The following TLN2 variants were observed in gnomAD, a reference collection of about 807,000 sequenced individuals.
TLN2 encodes the protein talin-2.
Under a neutral mutation model 294.7 loss-of-function variants are expected in TLN2, and 118 were observed. The ratio of observed to expected loss-of-function variants is 0.40; its 90% confidence interval spans 0.34 to 0.47. The LOEUF (loss-of-function observed/expected upper bound fraction) is 0.47. TLN2 is among the 20% of genes least tolerant of loss of function. TLN2 has a pLI of 0.84. For missense variants in TLN2, 3,083 were observed against 3,282.2 expected (o/e 0.94, Z 1.48); for synonymous variants, 1,431 against 1,304.5 (o/e 1.10, Z -2.09).
At chr15:62,790,238 A>G (rs2064982009) in intron 45 of TLN2, among the ~76,000 whole-genome samples, 1 of 152,230 alleles carries the variant, frequency 6.6e-6, no homozygotes, top group South Asian at 2.1e-4. Context: ...TTATTGGGTC[A>G]AAGATACACA....
chr15:62,669,796 C>A (rs956756234), intron 9 of TLN2, among the ~76,000 whole-genome samples: 1 of 152,174 alleles, frequency 6.6e-6, no homozygotes, highest in African/African-American at 2.4e-5. Flanking sequence ...TGACACCCTG[C>A]CTGCTCCGTG....
intron 1 of TLN2, among the ~76,000 whole-genome samples, chr15:62,540,340 AAAAT>A (rs2041606755): frequency 7.0e-6 from 1 of 143,404 alleles, no homozygotes; most frequent in South Asian, 2.3e-4. Flanking sequence ...ACGCCATCTT[AAAAT>A]AAATAAATAA....
intron 45 of TLN2, among the ~76,000 whole-genome samples, chr15:62,788,176 TG>T (rs1422952245): frequency 6.6e-6 from 1 of 151,002 alleles, no homozygotes; most frequent in Non-Finnish European, 1.5e-5. Context: ...CCGGGCATGG[TG>T]GGGGGTGCCT....
intron 1 of TLN2, among the ~76,000 whole-genome samples, chr15:62,462,018 C>T (rs908298940): frequency 6.6e-5 from 10 of 152,030 alleles, no homozygotes; most frequent in South Asian, 2.1e-4. Flanking sequence ...AGGTGGATCA[C>T]GAGACCAGCC....
intron 2 of TLN2, among the ~76,000 whole-genome samples, chr15:62,602,882 A>T (rs75381891): frequency 0.12 from 17,079 of 141,062 alleles, 1,276 homozygotes; most frequent in African/African-American, 0.21. Flanking sequence ...TTTTTTTTTT[A>T]AATTTTTATT....
At chr15:62,583,731 G>T (rs1370425781) in intron 1 of TLN2, among the ~76,000 whole-genome samples, 1 of 152,152 alleles carries the variant, frequency 6.6e-6, no homozygotes, top group Non-Finnish European at 1.5e-5. Context: ...TAGTCAAATT[G>T]TTCAAGGGCT....
intron 41 of TLN2, among the ~76,000 whole-genome samples, chr15:62,767,200 T>C (rs964815011): frequency 2.6e-5 from 4 of 152,210 alleles, no homozygotes; most frequent in Admixed American, 1.3e-4. Context: ...CTTTTTTAAA[T>C]TACAGAATAG....
At chr15:62,636,747 T>C (rs538793699) in intron 3 of TLN2, among the ~76,000 whole-genome samples, 3 of 152,302 alleles carry the variant, frequency 2.0e-5, no homozygotes, top group African/African-American at 7.2e-5. Context: ...CATGGTAATA[T>C]AGGTTTGCAT....
At chr15:62,742,274 G>C (rs1436838178) in intron 32 of TLN2, among the ~76,000 whole-genome samples, 1 of 152,208 alleles carries the variant, frequency 6.6e-6, no homozygotes, top group African/African-American at 2.4e-5. Context: ...GGGAGGTGGG[G>C]TTGGGGGTGA....
Position 62,650,105 on chromosome 15 carries a change from T to G in TLN2, c.158T>G (p.Leu53Arg), listed in dbSNP as rs1345212663. Residue 53 changes from leucine to arginine, a missense_variant, in exon 5 of 59, where the codon CTT becomes CGT. Physicochemically the swap from Leu to Arg is moderately radical, Grantham distance 102 (BLOSUM62 -2). Transcript: ENST00000636159. ...TCAGCTTCTGACTATGGACTCTTTCTTTCGGATGAAGACCCGAGGAAAGGG... is the reference window on the plus strand; with the variant it reads ...TCAGCTTCTGACTATGGACTCTTTCGTTCGGATGAAGACCCGAGGAAAGGG... ...TGQASDYGLF[L>R]SDEDPRKGIW... 4 of 1,614,154 alleles carry G rather than the reference T, an allele frequency of 2.5e-6. No homozygotes were observed. Among genetic ancestry groups the G allele is most frequent in the Non-Finnish European group, 2.5e-6 (3 of 1,180,014 alleles).
rs779090320 is a variant in TLN2 at position 62,783,782 on chromosome 15, G to A, written c.5628G>A (p.Ser1876=). 11 of 1,601,128 alleles carry A rather than the reference G, an allele frequency of 6.9e-6. No individual in the cohort carries two copies. The highest frequency in any genetic ancestry group is 8.5e-6 in the Non-Finnish European group (10 of 1,169,606). Residue 1876 remains serine (S), a synonymous_variant, in exon 45 of 59, where the codon TCG becomes TCA. Transcript: ENST00000636159. ...AVTAQEMMTK[S]VTNPEELGGL... is the part of the protein sequence containing the mutation. ...TTTTCTTTTTCCAGATGACTAAGTC[G>A]GTTACTAACCCGGAGGAGTTGGGAG... is the stretch of plus-strand genomic sequence containing the variant.
At chr15:62,814,313 T>G (rs1157459484) in intron 52 of TLN2, among the ~76,000 whole-genome samples, 1 of 152,236 alleles carries the variant, frequency 6.6e-6, no homozygotes, top group African/African-American at 2.4e-5. Context: ...CATTAAGTCA[T>G]TGTTTATTTT....
intron 1 of TLN2, among the ~76,000 whole-genome samples, chr15:62,418,768 G>A (rs968240167): frequency 2.0e-5 from 3 of 152,172 alleles, no homozygotes; most frequent in African/African-American, 4.8e-5. Flanking sequence ...CAAGGGTGGG[G>A]AGAATGATAA....
At chr15:62,602,796 A>G (rs2047107195) in intron 2 of TLN2, among the ~76,000 whole-genome samples, 1 of 151,502 alleles carries the variant, frequency 6.6e-6, no homozygotes, top group South Asian at 2.1e-4. Flanking sequence ...TCCAAATATC[A>G]CAGTATTGGG....
At chr15:62,803,617 A>G (rs1433584989) in intron 50 of TLN2, among the ~76,000 whole-genome samples, 1 of 152,170 alleles carries the variant, frequency 6.6e-6, no homozygotes, top group African/African-American at 2.4e-5. Context: ...CAGTATATTA[A>G]TTGCCATTTT....
At position 62,703,627 on chromosome 15, in the gene TLN2, GCA is replaced by G. The variant is rs71131124; in HGVS notation, c.2004+786_2004+787del. On this transcript the variant is annotated intron_variant, in intron 19 of 58. Coordinates refer to ENST00000636159, the MANE Select transcript of TLN2 (RefSeq NM_015059.3). ...GACACACACACACACACACACGCGCGCACACACACACACACACACACACAGAG... is the reference window on the plus strand; with the variant it reads ...GACACACACACACACACACACGCGCGCACACACACACACACACACACAGAG... 5.3e-3 allele frequency among the ~76,000 whole-genome samples: 622 copies of G among 116,786 alleles called. 10 individuals are homozygous for G. The highest frequency in any genetic ancestry group is 0.019 in the African/African-American group (595 of 31,914). 76.6% of individuals were successfully genotyped at this position (116,786 alleles called of 152,430 possible).
intron 26 of TLN2, among the ~76,000 whole-genome samples, chr15:62,722,937 T>C (rs2060233955): frequency 6.6e-6 from 1 of 152,230 alleles, no homozygotes; most frequent in Non-Finnish European, 1.5e-5. Flanking sequence ...TTATTATCTT[T>C]TTTGCCCTGC....
At chr15:62,428,769 G>C (rs548143294) in intron 1 of TLN2, among the ~76,000 whole-genome samples, 1 of 152,218 alleles carries the variant, frequency 6.6e-6, no homozygotes, top group Non-Finnish European at 1.5e-5. Context: ...CATGTGCCAG[G>C]TGTCATACGT....
At chr15:62,469,955 TGA>T (rs1189563527) in intron 1 of TLN2, among the ~76,000 whole-genome samples, 3 of 150,844 alleles carry the variant, frequency 2.0e-5, no homozygotes, top group Non-Finnish European at 4.4e-5. Context: ...GGTGTGTGTG[TGA>T]GAGAGAGAGC....
Sources: gnomAD v4.1 joint callset for allele counts (sites outside exome capture counted in the v4.1 genomes callset) on GRCh38, gnomAD v4.1.1 for gene constraint, MANE v1.5 for transcripts, NCBI Gene and HGNC (gene_info 2026-07-23, HGNC 2026-07-21) for gene names.